The following FOXP2 variants were observed in gnomAD, a reference collection of about 807,000 sequenced individuals.
The protein encoded by FOXP2 is forkhead box P2.
A neutral mutation model predicts 115.8 loss-of-function variants in FOXP2; 12 were observed. That is an observed-to-expected ratio of 0.10 (90% confidence interval 0.07 to 0.17). The LOEUF (loss-of-function observed/expected upper bound fraction) is 0.17. Ranked by LOEUF, FOXP2 falls within the 10% of genes least tolerant of loss-of-function variation. The pLI is 1.00. For missense variants in FOXP2, 629 were observed against 843.5 expected (o/e 0.75, Z 3.15); for synonymous variants, 328 against 297.7 (o/e 1.10, Z -1.05).
intron 2 of FOXP2, among the ~76,000 whole-genome samples, chr7:114,343,541 A>G (rs923986595): frequency 2.6e-5 from 4 of 151,748 alleles, no homozygotes; most frequent in Middle Eastern, 3.4e-3. Context: ...TGTTAGTTAC[A>G]TAGAAAATGA....
chr7:114,661,969 CA>C (rs1357736939), intron 13 of FOXP2, 95 bp from the exon 14 acceptor site: 2 of 1,462,142 alleles, frequency 1.4e-6, no homozygotes, highest in African/African-American at 2.8e-5. Context: ...TAAGATTTTT[CA>C]CTCTGATTAA....
intron 2 of FOXP2, among the ~76,000 whole-genome samples, chr7:114,314,243 A>T (rs568616154): frequency 6.7e-6 from 1 of 149,222 alleles, no homozygotes; most frequent in African/African-American, 2.4e-5. Context: ...GATAATTTAT[A>T]TTATTTTATT....
rs1491023181 is a variant in FOXP2 at position 114,176,322 on chromosome 7, TTC to T, written c.-102+13236_-102+13237del. On this transcript the variant is annotated intron_variant, in intron 1 of 17. Transcript: ENST00000634411. ...TTTCTCTCTCTCTCTCTCTCTCTCT[TTC>T]TTTTTCTTTCTTTCTCTCTCTCTCT... 3.2e-3 allele frequency among the ~76,000 whole-genome samples: 355 copies of T among 111,294 alleles called. 5 individuals carry two copies. Among genetic ancestry groups the T allele is most frequent in the African/African-American group, 0.017 (343 of 20,220 alleles). 73.0% of individuals were successfully genotyped at this position (111,294 alleles called of 152,430 possible). A position where few individuals can be genotyped will look rare whatever the true frequency, so the allele number is the denominator to read the frequency against.
chr7:114,262,439 G>T (rs1266994304), intron 1 of FOXP2, among the ~76,000 whole-genome samples: 2 of 152,030 alleles, frequency 1.3e-5, no homozygotes, highest in Non-Finnish European at 2.9e-5. Context: ...CTTAGTACTT[G>T]GGTGATGGGA....
chr7:114,479,528 A>G (rs1334703635), intron 2 of FOXP2, among the ~76,000 whole-genome samples: 1 of 149,816 alleles, frequency 6.7e-6, no homozygotes, highest in Non-Finnish European at 1.5e-5. Flanking sequence ...TAATTTTAGA[A>G]GAGATATTTG....
At chr7:114,227,463 T>G (rs760047455) in intron 1 of FOXP2, among the ~76,000 whole-genome samples, 1 of 152,070 alleles carries the variant, frequency 6.6e-6, no homozygotes, top group Non-Finnish European at 1.5e-5. Flanking sequence ...TTTCTTTTTC[T>G]TTAATAAACA....
At chr7:114,110,633 A>G (rs1385089567) in intron 1 of FOXP2, among the ~76,000 whole-genome samples, 1 of 152,104 alleles carries the variant, frequency 6.6e-6, no homozygotes, top group Non-Finnish European at 1.5e-5. Context: ...TTCTTTTTCT[A>G]ACTTTAAGAT....
At chr7:114,689,260 A>G (rs2129354113) in intron 16 of FOXP2, among the ~76,000 whole-genome samples, 1 of 152,118 alleles carries the variant, frequency 6.6e-6, no homozygotes, top group African/African-American at 2.4e-5. Context: ...GCCCCAGTTT[A>G]TTTTCTGAAA....
chr7:114,558,481 G>A (rs1800578652), intron 3 of FOXP2, among the ~76,000 whole-genome samples: 1 of 152,162 alleles, frequency 6.6e-6, no homozygotes, highest in Admixed American at 6.5e-5. Flanking sequence ...CTCTTGAAGA[G>A]CTGGTTTTTG....
intron 2 of FOXP2, among the ~76,000 whole-genome samples, chr7:114,495,483 C>CT (rs35933398): frequency 0.014 from 838 of 61,348 alleles, 55 homozygotes; most frequent in Non-Finnish European, 0.017. Flanking sequence ...TTCTCTCTCT[C>CT]TTTTTTTTTT....
intron 3 of FOXP2, among the ~76,000 whole-genome samples, chr7:114,535,850 A>T (rs908763988): frequency 4.0e-5 from 6 of 151,660 alleles, no homozygotes; most frequent in African/African-American, 1.4e-4. Flanking sequence ...CCATGACTGG[A>T]AATGAAAGTT....
chr7:114,602,339 C>T (rs1414721189), intron 3 of FOXP2, among the ~76,000 whole-genome samples: 1 of 151,950 alleles, frequency 6.6e-6, no homozygotes, highest in Non-Finnish European at 1.5e-5. Flanking sequence ...TTTATTACTA[C>T]CTTTTTACTC....
At chr7:114,541,014 T>C (rs1274689581) in intron 3 of FOXP2, among the ~76,000 whole-genome samples, 1 of 152,058 alleles carries the variant, frequency 6.6e-6, no homozygotes, top group East Asian at 1.9e-4. Context: ...TCTGTGAAGA[T>C]AGCAATGGAA....
intron 1 of FOXP2, among the ~76,000 whole-genome samples, chr7:114,280,578 T>G (rs1388109440): frequency 1.3e-5 from 2 of 152,140 alleles, no homozygotes; most frequent in Non-Finnish European, 2.9e-5. Context: ...TATACTCTGT[T>G]CTATGAAAAG....
chr7:114,471,551 T>C (rs1229124381), intron 2 of FOXP2, among the ~76,000 whole-genome samples: 2 of 152,198 alleles, frequency 1.3e-5, no homozygotes, highest in African/African-American at 4.8e-5. Flanking sequence ...GTCAATATTG[T>C]CTTCCTCATG....
chr7:114,086,876 G>A (rs1366803540), upstream of FOXP2, among the ~76,000 whole-genome samples: 6 of 152,214 alleles, frequency 3.9e-5, no homozygotes, highest in Admixed American at 2.6e-4. Context: ...GGGGGAAAAA[G>A]GGGTGGAGAG....
At chr7:114,636,050 C>T (rs1563050084) in intron 6 of FOXP2, among the ~76,000 whole-genome samples, 1 of 152,126 alleles carries the variant, frequency 6.6e-6, no homozygotes, top group Non-Finnish European at 1.5e-5. Context: ...TAATTCACCT[C>T]TCATTAGACA....
At chr7:114,395,066 T>C (rs1440963629) in intron 2 of FOXP2, among the ~76,000 whole-genome samples, 1 of 152,198 alleles carries the variant, frequency 6.6e-6, no homozygotes, top group Non-Finnish European at 1.5e-5. Context: ...AGGTTGGTCT[T>C]TAACAGTTAA....
intron 8 of FOXP2, among the ~76,000 whole-genome samples, chr7:114,647,404 T>C (rs1805972349): frequency 6.6e-6 from 1 of 151,222 alleles, no homozygotes; most frequent in African/African-American, 2.4e-5. Flanking sequence ...ATTTATGTGT[T>C]ATATATTCTT....
Sources: allele counts gnomAD v4.1 joint callset (sites outside exome capture counted in the v4.1 genomes callset), GRCh38; gene constraint gnomAD v4.1.1; transcripts MANE v1.5; gene names NCBI Gene and HGNC (gene_info 2026-07-23, HGNC 2026-07-21).